The following GRM1 variants were observed in gnomAD, a reference collection of about 807,000 sequenced individuals.
GRM1 encodes metabotropic glutamate receptor 1.
Under a neutral mutation model 90.9 loss-of-function variants are expected in GRM1, and 33 were observed. The observed-to-expected ratio is 0.36, with a 90% confidence interval of 0.28 to 0.49. The LOEUF (loss-of-function observed/expected upper bound fraction) is 0.49, where lower values mean the gene tolerates loss of function less well. GRM1 is among the 20% of genes least tolerant of loss of function. GRM1 has a pLI of 0.99. For missense variants in GRM1, 1,190 were observed against 1,534.3 expected (o/e 0.78, Z 3.75); for synonymous variants, 700 against 613.2 (o/e 1.14, Z -2.09).
intron 2 of GRM1, among the ~76,000 whole-genome samples, chr6:146,230,752 T>G (rs1050559260): frequency 6.6e-6 from 1 of 152,152 alleles, no homozygotes; most frequent in Non-Finnish European, 1.5e-5. Context: ...TACCAAATCT[T>G]GGAAGCAATC....
At chr6:146,116,933 C>G (rs1415929885) in intron 1 of GRM1, among the ~76,000 whole-genome samples, 1 of 151,870 alleles carries the variant, frequency 6.6e-6, no homozygotes, top group African/African-American at 2.4e-5. Context: ...TTTCTCACCA[C>G]CCCCACTCCC....
intron 2 of GRM1, among the ~76,000 whole-genome samples, chr6:146,258,680 G>A (rs938086571): frequency 3.9e-5 from 6 of 151,918 alleles, no homozygotes; most frequent in East Asian, 3.9e-4. Context: ...TCATGGTGCC[G>A]GGCCTTTATT....
chr6:146,292,982 C>T (rs1290549930), intron 2 of GRM1, among the ~76,000 whole-genome samples: 1 of 151,954 alleles, frequency 6.6e-6, no homozygotes, highest in Non-Finnish European at 1.5e-5. Flanking sequence ...GGATAAATCT[C>T]TAAAACATCA....
chr6:146,295,103 C>T (rs2143327), intron 2 of GRM1, among the ~76,000 whole-genome samples: 14,453 of 151,968 alleles, frequency 0.095, 1,814 homozygotes, highest in African/African-American at 0.28. Context: ...ACTTTCCTGC[C>T]TTCTGTTGGA....
intron 2 of GRM1, among the ~76,000 whole-genome samples, chr6:146,162,961 T>G (rs1777788858): frequency 6.6e-6 from 1 of 152,150 alleles, no homozygotes; most frequent in Non-Finnish European, 1.5e-5. Flanking sequence ...CACATCATCT[T>G]TAAACATTTT....
chr6:146,374,334 T>G (rs547264484), intron 5 of GRM1, among the ~76,000 whole-genome samples: 2 of 152,312 alleles, frequency 1.3e-5, no homozygotes, highest in African/African-American at 4.8e-5. Context: ...TTATACTTTT[T>G]TGATGTATCT....
chr6:146,084,092 T>G (rs1287986557), intron 1 of GRM1, among the ~76,000 whole-genome samples: 1 of 152,166 alleles, frequency 6.6e-6, no homozygotes, highest in Admixed American at 6.5e-5. Flanking sequence ...CCCTTTTTCA[T>G]TTTTTATTGT....
intron 2 of GRM1, among the ~76,000 whole-genome samples, chr6:146,203,919 T>C (rs1201535655): frequency 6.6e-6 from 1 of 152,254 alleles, no homozygotes; most frequent in African/African-American, 2.4e-5. Context: ...GGTATGTGGA[T>C]AGCAAAAATC....
chr6:146,364,681 A>G (rs1775610759), intron 5 of GRM1, among the ~76,000 whole-genome samples: 1 of 152,086 alleles, frequency 6.6e-6, no homozygotes, highest in South Asian at 2.1e-4. Flanking sequence ...ATAGTACAAT[A>G]GTTACTCGCA....
At chr6:146,118,199 G>T (rs1775839329) in intron 1 of GRM1, among the ~76,000 whole-genome samples, 1 of 144,692 alleles carries the variant, frequency 6.9e-6, no homozygotes, top group Non-Finnish European at 1.5e-5. Flanking sequence ...GAGTGCAGTG[G>T]TGCGATCTCC....
intron 3 of GRM1, among the ~76,000 whole-genome samples, chr6:146,332,105 CTT>C (rs978605597): frequency 6.6e-6 from 1 of 152,088 alleles, no homozygotes; most frequent in African/African-American, 2.4e-5. Context: ...AACCCATTGT[CTT>C]TTTCATGGAG....
chr6:146,222,665 T>C (rs1429225386), intron 2 of GRM1, among the ~76,000 whole-genome samples: 2 of 152,112 alleles, frequency 1.3e-5, no homozygotes, highest in African/African-American at 2.4e-5. Context: ...AATCTGTTTT[T>C]CTCAGTATAC....
chr6:146,226,091 T>A (rs1780230396), intron 2 of GRM1, among the ~76,000 whole-genome samples: 1 of 152,130 alleles, frequency 6.6e-6, no homozygotes, highest in South Asian at 2.1e-4. Flanking sequence ...TTTAAGCCGA[T>A]CAGTAAAGCC....
chr6:146,167,507 A>G (rs1178982077), intron 2 of GRM1, among the ~76,000 whole-genome samples: 1 of 152,152 alleles, frequency 6.6e-6, no homozygotes, highest in African/African-American at 2.4e-5. Flanking sequence ...CAGTTCCACC[A>G]GCAATGTATG....
intron 2 of GRM1, among the ~76,000 whole-genome samples, chr6:146,242,863 A>G (rs769993746): frequency 6.6e-6 from 1 of 152,190 alleles, no homozygotes; most frequent in Non-Finnish European, 1.5e-5. Context: ...TCCATCTGAG[A>G]TATAGAAATT....
At chr6:146,346,702 A>G (rs1370775711) in intron 3 of GRM1, among the ~76,000 whole-genome samples, 3 of 152,232 alleles carry the variant, frequency 2.0e-5, no homozygotes, top group Non-Finnish European at 1.5e-5. Flanking sequence ...TCTTCCTTCA[A>G]TAAATCTAAG....
At chr6:146,213,034 A>G (rs1197402019) in intron 2 of GRM1, among the ~76,000 whole-genome samples, 1 of 151,954 alleles carries the variant, frequency 6.6e-6, no homozygotes, top group African/African-American at 2.4e-5. Context: ...AATTTGGGGT[A>G]ATTGGTATAA....
intron 1 of GRM1, 22 bp downstream of exon 1, chr6:146,030,239 G>A: frequency 6.6e-7 from 1 of 1,514,348 alleles, no homozygotes; most frequent in East Asian, 2.2e-5. Flanking sequence ...ATTTGGGAAA[G>A]AAGGGTACTG....
intron 2 of GRM1, among the ~76,000 whole-genome samples, chr6:146,206,319 G>GTTCC (rs761666252): frequency 6.6e-6 from 1 of 152,154 alleles, no homozygotes; most frequent in African/African-American, 2.4e-5. Flanking sequence ...CCCACTTCTA[G>GTTCC]TTCCTTACTT....
Sources: gnomAD v4.1 joint callset for allele counts (sites outside exome capture counted in the v4.1 genomes callset) on GRCh38, gnomAD v4.1.1 for gene constraint, MANE v1.5 for transcripts, NCBI Gene and HGNC (gene_info 2026-07-23, HGNC 2026-07-21) for gene names.